Variants in XK observed in about 807,000 individuals in gnomAD.
XK encodes endoplasmic reticulum membrane adapter protein XK.
XK carries 2 observed loss-of-function variants against 14.0 expected under a neutral mutation model. The observed-to-expected ratio is 0.14, with a 90% CI of 0.06 to 0.45. The LOEUF is 0.45. Ranked by LOEUF, XK falls within the 20% of genes least tolerant of loss-of-function variation. XK has a pLI of 0.98. For missense variants in XK, 235 were observed against 341.5 expected, an observed-to-expected ratio of 0.69 and a Z score of 2.46; for synonymous variants, 149 against 147.5, an observed-to-expected ratio of 1.01 and a Z score of -0.08.
At chrX:37,725,856 G>T (rs1460978484) in intron 2 of XK, among the ~76,000 whole-genome samples, 1 of 111,534 alleles carries the variant, frequency 9.0e-6, no homozygotes, top group Non-Finnish European at 1.9e-5. Flanking sequence ...ATCTAAGAAG[G>T]CCACATATTG....
intron 2 of XK, among the ~76,000 whole-genome samples, chrX:37,724,572 G>A (rs1556449646): frequency 9.0e-6 from 1 of 111,423 alleles, no homozygotes; most frequent in African/African-American, 3.2e-5. Context: ...AGAAAATCTA[G>A]GTGACTTTGG....
chrX:37,706,696 G>A (rs948212313), intron 2 of XK, among the ~76,000 whole-genome samples: 58 of 108,583 alleles, frequency 5.3e-4, no homozygotes, highest in African/African-American at 1.9e-3. Context: ...GATTTGGCAG[G>A]GTCATAGGAC....
chrX:37,725,642 C>T (rs1927961573), intron 2 of XK, among the ~76,000 whole-genome samples: 1 of 111,785 alleles, frequency 8.9e-6, no homozygotes, highest in South Asian at 3.7e-4. Flanking sequence ...CAAAAATCTA[C>T]ATATGGATGT....
chrX:37,724,967 A>G (rs1927949242), intron 2 of XK, among the ~76,000 whole-genome samples: 1 of 111,795 alleles, frequency 8.9e-6, no homozygotes, highest in Non-Finnish European at 1.9e-5. Flanking sequence ...CTATATACCT[A>G]TTGGAATGGA....
chrX:37,702,957 T>C (rs1927442885), intron 2 of XK, among the ~76,000 whole-genome samples: 1 of 112,246 alleles, frequency 8.9e-6, no homozygotes, highest in East Asian at 2.8e-4. Context: ...ACTTGTCATT[T>C]GAGTTTAACA....
At chrX:37,717,910 A>G (rs187962172) in intron 2 of XK, among the ~76,000 whole-genome samples, 4 of 111,777 alleles carry the variant, frequency 3.6e-5, no homozygotes, top group Admixed American at 1.9e-4. Flanking sequence ...TGTAATGTCT[A>G]TTTTCTACTT....
intron 2 of XK, among the ~76,000 whole-genome samples, chrX:37,717,232 G>T (rs1290442203): frequency 9.0e-6 from 1 of 111,147 alleles, no homozygotes; most frequent in Admixed American, 9.6e-5. Flanking sequence ...TGAGACCACT[G>T]CTAGGGAAAT....
At chrX:37,705,380 A>G (rs1384769520) in intron 2 of XK, among the ~76,000 whole-genome samples, 1 of 109,170 alleles carries the variant, frequency 9.2e-6, no homozygotes, top group African/African-American at 3.3e-5. Context: ...TGAACCCGGG[A>G]GGTGGAGCTT....
intron 1 of XK, among the ~76,000 whole-genome samples, chrX:37,688,047 C>A (rs868973749): frequency 1.4e-5 from 1 of 72,400 alleles, no homozygotes; most frequent in African/African-American, 6.6e-5. Flanking sequence ...TTCTTTCTTT[C>A]TTTCTTTCTT....
chrX:37,712,206 A>T (rs782055460), intron 2 of XK, among the ~76,000 whole-genome samples: 1 of 111,735 alleles, frequency 8.9e-6, no homozygotes, highest in Non-Finnish European at 1.9e-5. Flanking sequence ...TGATAACCTG[A>T]TGCAATCATC....
intron 1 of XK, among the ~76,000 whole-genome samples, chrX:37,689,281 G>A (rs1216201078): frequency 1.8e-5 from 2 of 111,934 alleles, no homozygotes; most frequent in African/African-American, 6.5e-5. Context: ...GTTTGTTCTT[G>A]TGTATTAGCC....
At chrX:37,710,578 C>T (rs1173657460) in intron 2 of XK, among the ~76,000 whole-genome samples, 1 of 111,334 alleles carries the variant, frequency 9.0e-6, no homozygotes, top group Non-Finnish European at 1.9e-5. Context: ...GGTGGATTAC[C>T]TGAGGTCAGG....
chrX:37,707,449 C>T (rs782573416), intron 2 of XK, among the ~76,000 whole-genome samples: 4 of 104,724 alleles, frequency 3.8e-5, no homozygotes, highest in South Asian at 4.4e-4. Flanking sequence ...ACTTCTCAGA[C>T]GGGGCGGCTG....
chrX:37,707,382 G>T (rs1311814775), intron 2 of XK, among the ~76,000 whole-genome samples: 1 of 108,761 alleles, frequency 9.2e-6, no homozygotes, highest in African/African-American at 3.4e-5. Context: ...GGGTGGCTGC[G>T]GGTGGAGGGG....
intron 2 of XK, among the ~76,000 whole-genome samples, chrX:37,724,597 T>C (rs1927941162): frequency 9.0e-6 from 1 of 111,521 alleles, no homozygotes; most frequent in African/African-American, 3.2e-5. Flanking sequence ...GATGATTGCT[T>C]TGTAGATACA....
chrX:37,690,158 T>A, intron 1 of XK, among the ~76,000 whole-genome samples: 1 of 112,399 alleles, frequency 8.9e-6, no homozygotes, highest in East Asian at 2.8e-4. Flanking sequence ...AGAGAATTTT[T>A]TTTTCATTTG....
intron 2 of XK, among the ~76,000 whole-genome samples, chrX:37,720,462 C>G (rs782619189): frequency 6.8e-4 from 75 of 110,687 alleles, no homozygotes; most frequent in African/African-American, 2.4e-3. Context: ...ACTTTTTTGT[C>G]ATTTTAAATG....
chrX:37,725,623 A>T (rs1418619637), intron 2 of XK, among the ~76,000 whole-genome samples: 4 of 111,720 alleles, frequency 3.6e-5, no homozygotes, highest in African/African-American at 9.7e-5. Context: ...TTGAAAACTT[A>T]TGCCCCTCCA....
chrX:37,693,106 T>C (rs1556441757), intron 1 of XK, among the ~76,000 whole-genome samples: 1 of 112,036 alleles, frequency 8.9e-6, no homozygotes, highest in Non-Finnish European at 1.9e-5. Flanking sequence ...AAGCTTTATT[T>C]TATTATTTCA....
Sources: allele counts gnomAD v4.1 joint callset (sites outside exome capture counted in the v4.1 genomes callset), GRCh38; gene constraint gnomAD v4.1.1; transcripts MANE v1.5; gene names NCBI Gene and HGNC (gene_info 2026-07-23, HGNC 2026-07-21).